The following CSMD1 variants were observed in gnomAD, a reference collection of about 807,000 sequenced individuals.
CSMD1 encodes the protein CUB and Sushi multiple domains 1, also known as CUB and sushi domain-containing protein 1.
In CSMD1, 213 loss-of-function variants were observed where a neutral mutation model predicts 417.5. That is an observed-to-expected ratio of 0.51 (90% CI 0.46 to 0.57). The LOEUF is 0.57. Among genes scored for constraint, CSMD1 ranks in the 20% least tolerant of loss-of-function variants. CSMD1 has a pLI of 0.00. For synonymous variants in CSMD1, 2,862 were observed against 1,736.8 expected, an observed-to-expected ratio of 1.65 and a Z score of -16.11; for missense variants, 6,923 against 4,529.7, an observed-to-expected ratio of 1.53 and a Z score of -15.17.
chr8:4,594,282 C>A (rs1001009923), intron 2 of CSMD1, among the ~76,000 whole-genome samples: 1 of 145,764 alleles, frequency 6.9e-6, no homozygotes, highest in Non-Finnish European at 1.5e-5. Context: ...CAGCTCACTG[C>A]AACCTCTGAC....
intron 1 of CSMD1, among the ~76,000 whole-genome samples, chr8:4,804,175 C>T (rs115325362): frequency 0.011 from 1,694 of 152,058 alleles, 27 homozygotes; most frequent in African/African-American, 0.038. Context: ...TGAATGGAAC[C>T]AAATAATGAA....
At chr8:4,289,608 G>C (rs1051837050) in intron 3 of CSMD1, among the ~76,000 whole-genome samples, 6 of 152,146 alleles carry the variant, frequency 3.9e-5, no homozygotes, top group African/African-American at 1.4e-4. Flanking sequence ...ATGGTGCCGT[G>C]GATGATGGTG....
intron 6 of CSMD1, among the ~76,000 whole-genome samples, chr8:3,718,833 G>C (rs1287281613): frequency 6.6e-6 from 1 of 152,082 alleles, no homozygotes; most frequent in African/African-American, 2.4e-5. Context: ...GACATAAGCA[G>C]GATTTAACTT....
intron 12 of CSMD1, among the ~76,000 whole-genome samples, chr8:3,464,210 T>G (rs1051255111): frequency 4.6e-5 from 7 of 151,724 alleles, no homozygotes; most frequent in East Asian, 1.9e-4. Flanking sequence ...CGAACCGAAT[T>G]TTTTTTTGTA....
intron 3 of CSMD1, among the ~76,000 whole-genome samples, chr8:4,150,151 T>TG (rs1395891379): frequency 6.6e-6 from 1 of 152,204 alleles, no homozygotes; most frequent in Non-Finnish European, 1.5e-5. Context: ...TGTGATATCT[T>TG]GAGGATAGAC....
intron 5 of CSMD1, among the ~76,000 whole-genome samples, chr8:3,970,940 G>A (rs1435166971): frequency 1.3e-5 from 2 of 152,080 alleles, no homozygotes; most frequent in African/African-American, 4.8e-5. Flanking sequence ...TAGTGGAGAT[G>A]AGGTTTCACC....
At chr8:4,624,245 C>T (rs1188131821) in intron 2 of CSMD1, among the ~76,000 whole-genome samples, 2 of 152,188 alleles carry the variant, frequency 1.3e-5, no homozygotes, top group Middle Eastern at 3.4e-3. Context: ...AGTACACTTC[C>T]GGTAGATCAA....
intron 50 of CSMD1, among the ~76,000 whole-genome samples, chr8:3,047,213 C>CAAAAAAAAAAAAAAAAAAAAAAAAAA (rs749861179): frequency 1.4e-5 from 1 of 73,094 alleles, no homozygotes; most frequent in Non-Finnish European, 2.4e-5. Flanking sequence ...GACTCCCTCT[C>CAAAAAAAAAAAAAAAAAAAAAAAAAA]AAAAAAAAAA....
chr8:4,403,730 T>A (rs192404022), intron 3 of CSMD1, among the ~76,000 whole-genome samples: 4 of 152,214 alleles, frequency 2.6e-5, no homozygotes, highest in Non-Finnish European at 4.4e-5. Flanking sequence ...TCTTGCCTGC[T>A]GATGACCTCA....
intron 23 of CSMD1, among the ~76,000 whole-genome samples, chr8:3,321,226 T>A (rs941737226): frequency 1.3e-5 from 2 of 152,108 alleles, no homozygotes; most frequent in Admixed American, 1.3e-4. Context: ...ATTGCTGTTG[T>A]TGCTGACTAA....
rs145380454 is a variant in CSMD1 at position 4,626,523 on chromosome 8, A to G, written c.302+10819T>C. 5.9e-4 allele frequency among the ~76,000 whole-genome samples: 90 copies of G among 152,216 alleles called. No homozygotes were observed. The East Asian group carries it at 0.016, about 27-fold the overall frequency. On this transcript the variant is annotated intron_variant, in intron 2 of 69. Transcript: ENST00000635120. ...CTGAAAATCACGTTGAGAGAAAGTT[A>G]TCTGATCTTAAAGCGGTTGTAAGAA...
chr8:3,401,103 A>C (rs7006193), intron 15 of CSMD1, among the ~76,000 whole-genome samples: 72,755 of 151,426 alleles, frequency 0.48, 18,316 homozygotes, highest in Middle Eastern at 0.59. Context: ...TCTTTTATGA[A>C]TACAACATAA....
intron 3 of CSMD1, among the ~76,000 whole-genome samples, chr8:4,305,861 A>T (rs999109972): frequency 1.3e-5 from 2 of 152,164 alleles, no homozygotes; most frequent in Non-Finnish European, 2.9e-5. Flanking sequence ...ATCCCCTTCC[A>T]GTCTTTGCTT....
chr8:3,789,370 TG>T (rs1342638524), intron 5 of CSMD1, among the ~76,000 whole-genome samples: 100 of 147,434 alleles, frequency 6.8e-4, no homozygotes, highest in African/African-American at 2.3e-3. Context: ...GTATTGCTAG[TG>T]TTTTTTTTTT....
At chr8:3,875,503 G>T (rs6997315) in intron 5 of CSMD1, among the ~76,000 whole-genome samples, 40,195 of 151,756 alleles carry the variant, frequency 0.26, 5,979 homozygotes, top group African/African-American at 0.41. Context: ...GCATGGAGAG[G>T]TGGAGAAAAG....
At chr8:3,105,594 T>C (rs753709544) in intron 46 of CSMD1, among the ~76,000 whole-genome samples, 16 of 152,244 alleles carry the variant, frequency 1.1e-4, no homozygotes, top group Non-Finnish European at 2.1e-4. Flanking sequence ...AGCCTCAGTA[T>C]CTTGTTCTAT....
At chr8:3,811,606 C>G (rs1234594427) in intron 5 of CSMD1, among the ~76,000 whole-genome samples, 1 of 152,158 alleles carries the variant, frequency 6.6e-6, no homozygotes, top group East Asian at 1.9e-4. Flanking sequence ...CAGGCACACA[C>G]TCCTTCAGAA....
intron 68 of CSMD1, among the ~76,000 whole-genome samples, chr8:2,945,009 G>A (rs184882824): frequency 1.3e-5 from 2 of 152,210 alleles, no homozygotes; most frequent in Admixed American, 6.5e-5. Context: ...CAAACTTACC[G>A]TGAGATTATC....
intron 3 of CSMD1, among the ~76,000 whole-genome samples, chr8:4,337,546 C>G (rs778193112): frequency 6.6e-6 from 1 of 152,100 alleles, no homozygotes; most frequent in Non-Finnish European, 1.5e-5. Context: ...TAAAAATAAA[C>G]TCAGCGATGA....
Sources: gnomAD v4.1 joint callset for allele counts (sites outside exome capture counted in the v4.1 genomes callset) on GRCh38, gnomAD v4.1.1 for gene constraint, MANE v1.5 for transcripts, NCBI Gene and HGNC (gene_info 2026-07-23, HGNC 2026-07-21) for gene names.